The following ATCAY variants were observed in gnomAD, a reference collection of about 807,000 sequenced individuals.
ATCAY encodes the protein caytaxin.
ATCAY carries 22 observed loss-of-function variants against 47.7 expected under a neutral mutation model. That is an observed-to-expected ratio of 0.46 (90% confidence interval 0.33 to 0.66). The LOEUF is 0.66. Among genes scored for constraint, ATCAY ranks in the 30% least tolerant of loss-of-function variants. The pLI is 0.02. For synonymous variants in ATCAY, 216 were observed against 207.6 expected, an observed-to-expected ratio of 1.04 and a Z score of -0.35; for missense variants, 452 against 515.0, an observed-to-expected ratio of 0.88 and a Z score of 1.18.
chr19:3,908,337 C>T lies in ATCAY; in HGVS notation c.614C>T (p.Pro205Leu), dbSNP rs1221735539. Reference protein sequence around the residue: ...AACFLPDSSLPDYHYIMENLF... With the variant: ...AACFLPDSSLLDYHYIMENLF... ...TGCTTCCTTCCAGACAGCAGCCTCC[C>T]CGACTACCACTACATCATGGAGAAC... Residue 205 changes from proline to leucine, a missense_variant, in exon 6 of 13, where the codon CCC becomes CTC. Transcript: ENST00000450849. 3.8e-6 allele frequency: 6 copies of T among 1,594,096 alleles called. No homozygotes were observed. Among genetic ancestry groups the T allele is most frequent in the Non-Finnish European group, 5.1e-6 (6 of 1,170,216 alleles).
chr19:3,916,567 C>T (rs749843171), intron 9 of ATCAY, among the ~76,000 whole-genome samples: 4 of 152,184 alleles, frequency 2.6e-5, no homozygotes, highest in African/African-American at 7.2e-5. Flanking sequence ...TATCTTGGCT[C>T]GCTGCAACCT....
chr19:3,893,171 C>CTT (rs34910855), intron 2 of ATCAY, among the ~76,000 whole-genome samples: 38 of 111,850 alleles, frequency 3.4e-4, no homozygotes, highest in African/African-American at 1.2e-3. Flanking sequence ...GGGACCCCCA[C>CTT]TTTTTTTTTT....
intron 2 of ATCAY, among the ~76,000 whole-genome samples, chr19:3,895,434 C>G (rs1412302778): frequency 6.6e-6 from 1 of 151,992 alleles, no homozygotes; most frequent in Admixed American, 6.6e-5. Flanking sequence ...AGGCTGGTCT[C>G]GAACTCCTGA....
rs374779022 is a variant in ATCAY, at chr19:3,907,934, C to T, written c.544+15C>T. On this transcript the variant is annotated intron_variant, in intron 5 of 12. Transcript: ENST00000450849. The surrounding 1 kb of genome is among the most constrained non-coding windows in gnomAD (Gnocchi z 5.1). ...CACCCACGGAGGTGAGACCCGCCCC[C>T]CGGTGCCCCCTTGGGGCTCCAGCCC... 20 of 1,609,532 alleles carry T rather than the reference C, an allele frequency of 1.2e-5. 1 individual carries two copies. The highest frequency in any genetic ancestry group is 9.0e-5 in the East Asian group (4 of 44,618).
chr19:3,915,638 A>C (rs2369254), intron 9 of ATCAY, among the ~76,000 whole-genome samples: 1 of 143,860 alleles, frequency 7.0e-6, no homozygotes, highest in African/African-American at 2.6e-5. Flanking sequence ...TGCAACCTCC[A>C]CCTCCTGGGT....
At chr19:3,895,905 T>TG (rs2038765939) in intron 2 of ATCAY, among the ~76,000 whole-genome samples, 1 of 151,726 alleles carries the variant, frequency 6.6e-6, no homozygotes, top group South Asian at 2.1e-4. Flanking sequence ...TTTGTAGAGA[T>TG]GGGGTCTCAC....
intron 2 of ATCAY, among the ~76,000 whole-genome samples, chr19:3,896,330 C>T (rs575184193): frequency 5.8e-4 from 87 of 151,094 alleles, no homozygotes; most frequent in Admixed American, 1.1e-3. Flanking sequence ...TGCAGTGGCA[C>T]GGTCTCAGCT....
chr19:3,907,581 A>C lies in ATCAY; in HGVS notation c.359-153A>C, dbSNP rs1270940358. On this transcript the variant is annotated intron_variant, in intron 4 of 12. Coordinates refer to ENST00000450849, the MANE Select transcript of ATCAY (RefSeq NM_033064.5). This position sits in a 1 kb window ranked among gnomAD's most constrained non-coding sequence, Gnocchi z 5.1. ...GGCCTTGAAAGGGGAGTAGGAGAGG[A>C]AAATGGGTCAGCAGGGCAGCCAGGT... Among the ~76,000 whole-genome samples, 3 of 152,136 alleles carry C rather than the reference A, an allele frequency of 2.0e-5. No individual in the cohort carries two copies. Among genetic ancestry groups the C allele is most frequent in the Non-Finnish European group, 4.4e-5 (3 of 68,022 alleles).
rs1026054137 is a variant in ATCAY at position 3,925,657 on chromosome 19, G to A, written c.*1065G>A. 2 of 152,200 alleles carry A rather than the reference G, an allele frequency of 1.3e-5. No homozygotes were observed. Among genetic ancestry groups the A allele is most frequent in the Non-Finnish European group, 2.9e-5 (2 of 68,042 alleles). 9.4% of individuals were successfully genotyped at this position (152,200 alleles called of 1,614,324 possible). On this transcript the variant is annotated 3_prime_UTR_variant, in exon 13 of 13. Transcript: ENST00000450849. The surrounding 1 kb of genome is among the most constrained non-coding windows in gnomAD (Gnocchi z 4.4). ...GACTTTTCTAATGTGGTCCAAATGC[G>A]GATCACTGGTCAGATGGACTCTAGA...
chr19:3,902,296 TG>T (rs1472975381), intron 2 of ATCAY, among the ~76,000 whole-genome samples, 190 bp from the exon 3 acceptor site: 1 of 152,220 alleles, frequency 6.6e-6, no homozygotes, highest in African/African-American at 2.4e-5. Flanking sequence ...CACTCCAGCC[TG>T]GGCGATACAG....
At chr19:3,883,246 C>T (rs913466679) in intron 1 of ATCAY, among the ~76,000 whole-genome samples, 8 of 152,026 alleles carry the variant, frequency 5.3e-5, no homozygotes, top group South Asian at 2.1e-4. Flanking sequence ...TGGTGGCACG[C>T]GCCTGTAGTC....
chr19:3,893,404 G>C (rs751498789), intron 2 of ATCAY, among the ~76,000 whole-genome samples: 1 of 151,854 alleles, frequency 6.6e-6, no homozygotes, highest in Non-Finnish European at 1.5e-5. Flanking sequence ...GGTCTTGATC[G>C]CTTGACCTTA....
chr19:3,903,250 G>A (rs922854444), intron 3 of ATCAY, among the ~76,000 whole-genome samples: 3 of 151,546 alleles, frequency 2.0e-5, no homozygotes, highest in Non-Finnish European at 2.9e-5. Flanking sequence ...CTGGGATTAC[G>A]GGCGTGAGCC....
chr19:3,883,856 A>T (rs180883018), intron 1 of ATCAY, among the ~76,000 whole-genome samples: 1 of 152,250 alleles, frequency 6.6e-6, no homozygotes, highest in East Asian at 1.9e-4. Flanking sequence ...AGACCCAGAG[A>T]GGGAGATGGT....
chr19:3,923,719 G>A (rs566240027), intron 12 of ATCAY, among the ~76,000 whole-genome samples: 1 of 151,566 alleles, frequency 6.6e-6, no homozygotes, highest in East Asian at 2.0e-4. Flanking sequence ...TGAATGGTTG[G>A]GTAGATGAAT....
Position 3,924,787 on chromosome 19 carries a change from A to C in ATCAY, c.*195A>C. 1.7e-6 allele frequency: 1 copy of C among 587,074 alleles called. No individual in the cohort carries two copies. Among genetic ancestry groups the C allele is most frequent in the Non-Finnish European group, 3.0e-6 (1 of 335,880 alleles). The allele number at this position is 587,074 out of a possible 1,614,324, so 36.4% of individuals were successfully genotyped here. ...GAAAACATTGTATTTTTTTTTTTTA[A>C]CGATGCAGTATTTGTGCGTTCCAGA... On this transcript the variant is annotated 3_prime_UTR_variant, in exon 13 of 13. Transcript: ENST00000450849.
intron 3 of ATCAY, among the ~76,000 whole-genome samples, chr19:3,902,995 A>G (rs1162947130): frequency 2.0e-5 from 3 of 152,050 alleles, no homozygotes; most frequent in Non-Finnish European, 4.4e-5. Flanking sequence ...TTTTTGGGAG[A>G]CCGGGTCACA....
intron 6 of ATCAY, among the ~76,000 whole-genome samples, chr19:3,909,124 C>G (rs1407526858): frequency 7.4e-6 from 1 of 135,374 alleles, no homozygotes; most frequent in Non-Finnish European, 1.6e-5. Flanking sequence ...GTAATCCCAG[C>G]TACTAGGGAG....
chr19:3,895,924 C>T (rs995448194), intron 2 of ATCAY, among the ~76,000 whole-genome samples: 3 of 151,818 alleles, frequency 2.0e-5, no homozygotes, highest in Non-Finnish European at 4.4e-5. Flanking sequence ...ACTATGTTGC[C>T]CAGGCTAGTC....
Sources: allele counts gnomAD v4.1 joint callset (sites outside exome capture counted in the v4.1 genomes callset), GRCh38; gene constraint gnomAD v4.1.1; non-coding constraint Gnocchi (gnomAD v3.1); transcripts MANE v1.5; gene names NCBI Gene and HGNC (gene_info 2026-07-23, HGNC 2026-07-21).